Variants in WNT2B observed in about 807,000 individuals in gnomAD.
WNT2B encodes Wnt family member 2B.
Under a neutral mutation model 40.5 loss-of-function variants are expected in WNT2B, and 19 were observed. The observed-to-expected ratio is 0.47, with a 90% CI of 0.33 to 0.69. The LOEUF (loss-of-function observed/expected upper bound fraction) is 0.69, where lower values mean the gene tolerates loss of function less well. WNT2B is among the 30% of genes least tolerant of loss of function. WNT2B has a pLI of 0.02. For synonymous variants in WNT2B, 220 were observed against 211.9 expected (o/e 1.04, Z -0.33); for missense variants, 467 against 556.4 (o/e 0.84, Z 1.62).
Position 112,529,732 on chromosome 1 carries a change from C to T in WNT2B, c.*9223C>T, listed in dbSNP as rs1016298605. The T allele has an allele frequency of 6.8e-6, 1 of 146,686 alleles. No homozygotes were observed. Among genetic ancestry groups the T allele is most frequent in the South Asian group, 2.2e-4 (1 of 4,630 alleles). 9.1% of individuals were successfully genotyped at this position (146,686 alleles called of 1,614,324 possible). A position where few individuals can be genotyped will look rare whatever the true frequency, so the allele number is the denominator to read the frequency against. On this transcript the variant is annotated 3_prime_UTR_variant, in exon 5 of 5. Transcript: ENST00000369684. ...AAAAAACAGAAGGTTACTCTCAATGCCATCCAAAAGATAAAAGTTAAAAAA... is the reference window on the plus strand; with the variant it reads ...AAAAAACAGAAGGTTACTCTCAATGTCATCCAAAAGATAAAAGTTAAAAAA...
intron 1 of WNT2B, among the ~76,000 whole-genome samples, chr1:112,474,998 A>T (rs1454670011): frequency 1.3e-5 from 2 of 152,180 alleles, no homozygotes; most frequent in African/African-American, 4.8e-5. Flanking sequence ...GCCTCCCCAG[A>T]AAGGGAGCAG....
chr1:112,488,606 C>T (rs896286115), intron 1 of WNT2B, among the ~76,000 whole-genome samples: 1 of 148,736 alleles, frequency 6.7e-6, no homozygotes, highest in African/African-American at 2.5e-5. Context: ...TGCTGGAGTG[C>T]AGTGTCACGA....
chr1:112,508,339 C>G (rs1030335363), upstream of WNT2B, among the ~76,000 whole-genome samples: 5 of 150,220 alleles, frequency 3.3e-5, no homozygotes, highest in African/African-American at 1.2e-4. This position sits in a 1 kb window ranked among gnomAD's most constrained non-coding sequence, Gnocchi z 4.2. Context: ...GCACCCGGGC[C>G]GGGCAGGCCG....
intron 4 of WNT2B, among the ~76,000 whole-genome samples, chr1:112,519,872 C>CTTTTTTTTT (rs71081244): frequency 3.5e-5 from 4 of 115,652 alleles, no homozygotes; most frequent in Non-Finnish European, 5.3e-5. Flanking sequence ...GCCCATGCTT[C>CTTTTTTTTT]TTTTTTTTTT....
intron 1 of WNT2B, among the ~76,000 whole-genome samples, chr1:112,481,792 C>G (rs1651231447): frequency 6.6e-6 from 1 of 152,144 alleles, no homozygotes; most frequent in African/African-American, 2.4e-5. Context: ...AAGAGAATTG[C>G]TTGAGTCCAG....
chr1:112,509,108 C>G lies in WNT2B; in HGVS notation c.-155C>G, dbSNP rs11102484. ...AACTTGCGCCCCTCTCGGGGATCCT[C>G]CTCCCGGGCTCTGGACCCCAGGTGA... On this transcript the variant is annotated 5_prime_UTR_variant, in exon 1 of 5. Coordinates refer to ENST00000369684, the MANE Select transcript of WNT2B (RefSeq NM_024494.3). This position sits in a 1 kb window ranked among gnomAD's most constrained non-coding sequence, Gnocchi z 4.2. 0.31 allele frequency: 419,620 copies of G among 1,356,966 alleles called. 67,075 individuals are homozygous for G. Among genetic ancestry groups the G allele is most frequent in the East Asian group, 0.46 (14,728 of 32,188 alleles). 84.1% of individuals were successfully genotyped at this position (1,356,966 alleles called of 1,614,324 possible).
At chr1:112,505,520 AGT>A (rs1652081153), upstream of WNT2B, among the ~76,000 whole-genome samples, 1 of 152,082 alleles carries the variant, frequency 6.6e-6, no homozygotes, top group South Asian at 2.1e-4. Context: ...TGAGAGTGAG[AGT>A]GTGGAATAAA....
Position 112,529,007 on chromosome 1 carries a change from A to T in WNT2B, c.*8498A>T, listed in dbSNP as rs12401455. On this transcript the variant is annotated 3_prime_UTR_variant, in exon 5 of 5. Transcript: ENST00000369684. The stretch of plus-strand genomic sequence containing the variant: ...TTGCTAAAGGTAAAAATCGCTACTT[A>T]TGGGGCTTTTGTCATACTTCTTAAC... The T allele has an allele frequency of 2.6e-5, 4 of 152,226 alleles. No individual in the cohort carries two copies. The highest frequency in any genetic ancestry group is 2.0e-4 in the Admixed American group (3 of 15,276). The allele number at this position is 152,226 out of a possible 1,614,324, so 9.4% of individuals were successfully genotyped here.
chr1:112,474,775 G>A (rs1651005461), intron 1 of WNT2B, among the ~76,000 whole-genome samples: 1 of 152,214 alleles, frequency 6.6e-6, no homozygotes, highest in Non-Finnish European at 1.5e-5. Context: ...CTGGTGGGAG[G>A]TGATTGGATC....
chr1:112,482,349 AT>A (rs1651254170), intron 1 of WNT2B, among the ~76,000 whole-genome samples: 1 of 152,030 alleles, frequency 6.6e-6, no homozygotes, highest in African/African-American at 2.4e-5. Context: ...ACATAAAAAA[AT>A]TTTGAGACAG....
intron 1 of WNT2B, among the ~76,000 whole-genome samples, chr1:112,487,315 A>G (rs907957522): frequency 1.3e-5 from 2 of 152,206 alleles, no homozygotes; most frequent in African/African-American, 2.4e-5. Context: ...GAGAATAGAA[A>G]TGTGATTACA....
At chr1:112,488,041 C>T (rs1651475595) in intron 1 of WNT2B, among the ~76,000 whole-genome samples, 1 of 151,516 alleles carries the variant, frequency 6.6e-6, no homozygotes, top group South Asian at 2.1e-4. Context: ...CGCCCATAAT[C>T]CCACCACTTT....
rs757356647 is a variant in WNT2B, at chr1:112,526,080, G to A, written c.*5571G>A. ...TGTATTCTCCTCAAAGCCTGAGGAT[G>A]CCCAGGGTTGGGGGCACCAGAGTCC... On this transcript the variant is annotated 3_prime_UTR_variant, in exon 5 of 5. Transcript: ENST00000369684. 1 of 1,614,162 alleles carries A rather than the reference G, an allele frequency of 6.2e-7. No individual in the cohort carries two copies. Among genetic ancestry groups the A allele is most frequent in the South Asian group, 1.1e-5 (1 of 91,082 alleles).
intron 1 of WNT2B, among the ~76,000 whole-genome samples, chr1:112,486,974 T>C (rs1651436974): frequency 6.6e-6 from 1 of 152,210 alleles, no homozygotes; most frequent in African/African-American, 2.4e-5. Flanking sequence ...CCTAGGTATT[T>C]ACTCAAAAGA....
chr1:112,473,073 A>AAGAAAGGAAGAAAG (rs796356090), intron 1 of WNT2B, among the ~76,000 whole-genome samples: 7,388 of 145,820 alleles, frequency 0.051, 662 homozygotes, highest in African/African-American at 0.18. Context: ...AAGGAAGAAA[A>AAGAAAGGAAGAAAG]AGAAAGAAAG....
At chr1:112,519,393 T>A (rs900988899) in intron 4 of WNT2B, among the ~76,000 whole-genome samples, 5 of 152,206 alleles carry the variant, frequency 3.3e-5, no homozygotes, top group Non-Finnish European at 7.4e-5. Flanking sequence ...CTATTCTCCG[T>A]TTTGAACCTA....
At chr1:112,508,955 G>A (rs994358487), upstream of WNT2B, 1 of 1,209,518 alleles carries the variant, frequency 8.3e-7, no homozygotes, top group Non-Finnish European at 1.0e-6. This position sits in a 1 kb window ranked among gnomAD's most constrained non-coding sequence, Gnocchi z 4.2. Flanking sequence ...CGCGGCCGAA[G>A]GGGCTGTCCG....
Position 112,525,827 on chromosome 1 carries a change from T to C in WNT2B, c.*5318T>C, listed in dbSNP as rs144725546. The C allele has an allele frequency of 7.6e-5, 54 of 709,178 alleles. No individual in the cohort carries two copies. In the East Asian group the frequency reaches 1.6e-3, roughly 21 times the overall value. 43.9% of individuals were successfully genotyped at this position (709,178 alleles called of 1,614,324 possible). On this transcript the variant is annotated 3_prime_UTR_variant, in exon 5 of 5. Coordinates refer to ENST00000369684, the MANE Select transcript of WNT2B (RefSeq NM_024494.3). ...CAATTTCATCTACAGTTGTCCTTTT[T>C]GACAGCTTCCAAGGGGGGTTTGCCT...
intron 1 of WNT2B, among the ~76,000 whole-genome samples, chr1:112,477,973 C>T (rs925652661): frequency 6.6e-6 from 1 of 152,226 alleles, no homozygotes; most frequent in Non-Finnish European, 1.5e-5. Context: ...GTAGCTCATG[C>T]CTGTAACCCT....
Sources: gnomAD v4.1 joint callset for allele counts (sites outside exome capture counted in the v4.1 genomes callset) on GRCh38, gnomAD v4.1.1 for gene constraint, Gnocchi (gnomAD v3.1) non-coding constraint, MANE v1.5 for transcripts, NCBI Gene and HGNC (gene_info 2026-07-23, HGNC 2026-07-21) for gene names.